The following STS variants were observed in gnomAD, a reference collection of about 807,000 sequenced individuals.
STS encodes steroid sulfatase.
Under a neutral mutation model 26.8 loss-of-function variants are expected in STS, and 7 were observed. The observed-to-expected ratio is 0.26, with a 90% CI of 0.15 to 0.49. STS has a LOEUF of 0.49. Ranked by LOEUF, STS falls within the 20% of genes least tolerant of loss-of-function variation. The pLI is 0.98. For synonymous variants in STS, 199 were observed against 189.4 expected (o/e 1.05, Z -0.42); for missense variants, 434 against 465.6 (o/e 0.93, Z 0.63).
At chrX:7,280,620 A>G (rs747249901) in intron 7 of STS, among the ~76,000 whole-genome samples, 65 of 111,601 alleles carry the variant, frequency 5.8e-4, no homozygotes, top group Middle Eastern at 4.6e-3. Flanking sequence ...AGACCTGTTC[A>G]TGGTTGGGGG....
chrX:7,227,199 T>C (rs746338522), intron 2 of STS, among the ~76,000 whole-genome samples: 67 of 112,035 alleles, frequency 6.0e-4, no homozygotes, highest in African/African-American at 2.1e-3. Context: ...CTTTAAAAAA[T>C]AATTGTCTTA....
At chrX:7,223,704 G>C (rs936373885) in intron 2 of STS, among the ~76,000 whole-genome samples, 1 of 110,948 alleles carries the variant, frequency 9.0e-6, no homozygotes, top group African/African-American at 3.3e-5. Context: ...CATTCTGTAG[G>C]TTGTCTATTT....
At chrX:7,287,855 C>CT (rs1224958775) in intron 7 of STS, among the ~76,000 whole-genome samples, 5 of 110,401 alleles carry the variant, frequency 4.5e-5, no homozygotes, top group Admixed American at 9.7e-5. Context: ...TAGGTATACT[C>CT]TTTTTTTCAC....
chrX:7,220,800 G>A (rs556833676), intron 2 of STS, among the ~76,000 whole-genome samples: 2 of 110,135 alleles, frequency 1.8e-5, no homozygotes, highest in South Asian at 3.9e-4. Context: ...CGCCCGCCTC[G>A]GCCTCCCAAA....
intron 2 of STS, among the ~76,000 whole-genome samples, chrX:7,204,820 A>G (rs1601650148): frequency 1.3e-5 from 1 of 79,688 alleles, no homozygotes; most frequent in Non-Finnish European, 2.4e-5. Flanking sequence ...CTTTCTTTCC[A>G]TCCCTTCTTC....
intron 7 of STS, among the ~76,000 whole-genome samples, chrX:7,294,067 G>T (rs1225716065): frequency 1.8e-5 from 2 of 111,524 alleles, no homozygotes; most frequent in Non-Finnish European, 3.8e-5. Flanking sequence ...ATACATAGTT[G>T]AAAATCCATT....
chrX:7,335,191 C>G (rs1927955178), intron 10 of STS, among the ~76,000 whole-genome samples: 1 of 112,285 alleles, frequency 8.9e-6, no homozygotes, highest in Non-Finnish European at 1.9e-5. Context: ...ACACTGTCTT[C>G]CACAATGGTT....
rs1180498644 is a variant in STS, at chrX:7,352,391, ATGCAAATACAT to A, written c.*2133_*2143del. The stretch of plus-strand genomic sequence containing the variant: ...AATGAAGGATGAAGTATATCTCTAG[ATGCAAATACAT>A]TGAGTTTAAAAGTGCCTCAAAATAA... On this transcript the variant is annotated 3_prime_UTR_variant, in exon 11 of 11. Coordinates refer to ENST00000674429, the MANE Select transcript of STS (RefSeq NM_001320752.2). 3.6e-5 allele frequency: 4 copies of A among 112,412 alleles called. No homozygotes were observed. Among genetic ancestry groups the A allele is most frequent in the Non-Finnish European group, 7.5e-5 (4 of 53,308 alleles). The allele number at this position is 112,412 out of a possible 1,213,427, so 9.3% of individuals were successfully genotyped here.
chrX:7,154,290 G>C (rs1182508290), intron 1 of STS, among the ~76,000 whole-genome samples: 4 of 112,175 alleles, frequency 3.6e-5, no homozygotes, highest in Admixed American at 1.9e-4. Context: ...CACCTGCAAG[G>C]CTCTGAGTTC....
intron 8 of STS, among the ~76,000 whole-genome samples, chrX:7,322,533 T>G (rs1471815863): frequency 1.8e-5 from 2 of 111,654 alleles, no homozygotes; most frequent in African/African-American, 6.5e-5. Flanking sequence ...CCCAAGTAGC[T>G]GGGATTATAG....
intron 2 of STS, among the ~76,000 whole-genome samples, chrX:7,232,694 C>G (rs1175208097): frequency 8.9e-6 from 1 of 112,041 alleles, no homozygotes; most frequent in Non-Finnish European, 1.9e-5. Flanking sequence ...GGTAGAAGCA[C>G]TATTGTGAAT....
At chrX:7,155,787 A>T (rs974767119) in intron 1 of STS, among the ~76,000 whole-genome samples, 2 of 111,888 alleles carry the variant, frequency 1.8e-5, no homozygotes, top group African/African-American at 3.2e-5. Flanking sequence ...TTTTTTTCTC[A>T]TCAACTTTAT....
At chrX:7,325,040 G>A (rs144642197) in intron 8 of STS, among the ~76,000 whole-genome samples, 2 of 111,879 alleles carry the variant, frequency 1.8e-5, no homozygotes, top group South Asian at 3.8e-4. Flanking sequence ...TGACTCCAGA[G>A]TCATTGATTT....
At chrX:7,230,580 A>G (rs911943566) in intron 2 of STS, among the ~76,000 whole-genome samples, 1 of 112,186 alleles carries the variant, frequency 8.9e-6, no homozygotes, top group African/African-American at 3.2e-5. Flanking sequence ...GGTTTAATTG[A>G]CTCACAGTTC....
At chrX:7,203,173 C>T (rs902824027) in intron 2 of STS, among the ~76,000 whole-genome samples, 3 of 112,106 alleles carry the variant, frequency 2.7e-5, no homozygotes, top group Admixed American at 1.9e-4. Flanking sequence ...ATGCTACCCA[C>T]GCCACAAGTT....
intron 9 of STS, among the ~76,000 whole-genome samples, chrX:7,329,836 G>A (rs113570444): frequency 3.6e-5 from 4 of 111,944 alleles, no homozygotes; most frequent in East Asian, 5.6e-4. Context: ...TCAGAAGCCC[G>A]TGGATCCAAG....
intron 1 of STS, among the ~76,000 whole-genome samples, chrX:7,189,387 G>T (rs1342422752): frequency 9.0e-6 from 1 of 110,977 alleles, no homozygotes; most frequent in Non-Finnish European, 1.9e-5. Flanking sequence ...TTCTGTAAAG[G>T]GTTAGATAGT....
intron 1 of STS, among the ~76,000 whole-genome samples, chrX:7,156,080 A>G (rs1286775317): frequency 1.8e-5 from 2 of 109,507 alleles, no homozygotes; most frequent in Admixed American, 2.0e-4. Flanking sequence ...TAAGCCTGGG[A>G]GGTCGAGGCT....
intron 1 of STS, among the ~76,000 whole-genome samples, chrX:7,149,577 G>A (rs1932968194): frequency 1.8e-5 from 2 of 112,012 alleles, no homozygotes; most frequent in African/African-American, 3.2e-5. Flanking sequence ...AGGGACTTGC[G>A]CCTCAAATAC....
Sources: allele counts gnomAD v4.1 joint callset (sites outside exome capture counted in the v4.1 genomes callset), GRCh38; gene constraint gnomAD v4.1.1; transcripts MANE v1.5; gene names NCBI Gene and HGNC (gene_info 2026-07-23, HGNC 2026-07-21).